The following EIF4G3 variants were observed in gnomAD, a reference collection of about 807,000 sequenced individuals.
EIF4G3 encodes eIF-4-gamma 3.
In EIF4G3, 34 loss-of-function variants were observed where a neutral mutation model predicts 186.4. The ratio of observed to expected loss-of-function variants is 0.18; its 90% confidence interval spans 0.14 to 0.24. The LOEUF (loss-of-function observed/expected upper bound fraction) is 0.24, where lower values mean the gene tolerates loss of function less well. EIF4G3 is among the 10% of genes least tolerant of loss of function. EIF4G3 has a pLI of 1.00. For synonymous variants in EIF4G3, 673 were observed against 679.5 expected (o/e 0.99, Z 0.15); for missense variants, 1,536 against 1,948.5 (o/e 0.79, Z 3.99).
chr1:21,162,973 C>G (rs2097790781), intron 2 of EIF4G3, among the ~76,000 whole-genome samples: 1 of 152,056 alleles, frequency 6.6e-6, no homozygotes. Context: ...GCCTCTAGAA[C>G]AAAGGTAGGA....
At chr1:21,009,838 A>T (rs952324651) in intron 4 of EIF4G3, among the ~76,000 whole-genome samples, 3 of 151,974 alleles carry the variant, frequency 2.0e-5, no homozygotes, top group African/African-American at 7.2e-5. Context: ...TATTTTTAGT[A>T]GAGACGGGGT....
At chr1:21,101,453 C>T (rs1220902121) in intron 2 of EIF4G3, among the ~76,000 whole-genome samples, 1 of 148,164 alleles carries the variant, frequency 6.7e-6, no homozygotes, top group African/African-American at 2.5e-5. Context: ...TCAGTAATTC[C>T]AAGCTACTCA....
rs1327751445 is a variant in EIF4G3 at position 21,034,768 on chromosome 1, C to T, written c.-67+16098G>A. Among the ~76,000 whole-genome samples, 6 of 152,296 alleles carry T rather than the reference C, an allele frequency of 3.9e-5. No homozygotes were observed. In the East Asian group the frequency reaches 7.8e-4, roughly 20 times the overall value. Reference sequence around the variant, plus strand: ...TGGCCCTGGGATGGTACCAGGTTCCCGTACTTCGGCAGTAGGCTCAGATTG... The same window carrying T: ...TGGCCCTGGGATGGTACCAGGTTCCTGTACTTCGGCAGTAGGCTCAGATTG... On this transcript the variant is annotated intron_variant, in intron 4 of 36. Transcript: ENST00000602326.
intron 30 of EIF4G3, among the ~76,000 whole-genome samples, chr1:20,839,585 C>T (rs183294871): frequency 7.4e-4 from 112 of 152,268 alleles, no homozygotes; most frequent in African/African-American, 2.4e-3. Flanking sequence ...ACCTCTGCCT[C>T]CCGGGTTCAA....
chr1:21,156,460 AC>A (rs2097663174), intron 2 of EIF4G3, among the ~76,000 whole-genome samples: 1 of 152,144 alleles, frequency 6.6e-6, no homozygotes, highest in Non-Finnish European at 1.5e-5. Context: ...CTATTTCCAA[AC>A]ATCTTCAGTT....
intron 3 of EIF4G3, among the ~76,000 whole-genome samples, chr1:21,053,739 C>T (rs566762505): frequency 8.1e-5 from 12 of 148,934 alleles, no homozygotes; most frequent in African/African-American, 2.5e-4. Flanking sequence ...AGCCCCCGCC[C>T]GGCCAGCCGC....
chr1:21,111,396 A>C, intron 2 of EIF4G3: 2 of 471,646 alleles, frequency 4.2e-6, no homozygotes, highest in South Asian at 3.1e-5. Context: ...GGAAAGAATT[A>C]GCAAAATAAG....
intron 3 of EIF4G3, among the ~76,000 whole-genome samples, chr1:21,053,450 C>T (rs1433610928): frequency 4.6e-4 from 69 of 150,786 alleles, no homozygotes; most frequent in African/African-American, 1.5e-3. Context: ...CCAGCCGCCC[C>T]GTCCGGGAGG....
intron 2 of EIF4G3, among the ~76,000 whole-genome samples, chr1:21,164,255 C>CT (rs2097818363): frequency 6.6e-6 from 1 of 152,142 alleles, no homozygotes; most frequent in East Asian, 1.9e-4. Context: ...TGCTTATACT[C>CT]TATTTTTTAC....
intron 10 of EIF4G3, among the ~76,000 whole-genome samples, chr1:20,975,067 A>G (rs1333419537): frequency 6.6e-6 from 1 of 152,166 alleles, no homozygotes; most frequent in Non-Finnish European, 1.5e-5. Context: ...GTAGGTATCA[A>G]TCAGGTTTGC....
intron 28 of EIF4G3, among the ~76,000 whole-genome samples, chr1:20,851,028 T>C (rs2073120581): frequency 6.6e-6 from 1 of 152,160 alleles, no homozygotes; most frequent in African/African-American, 2.4e-5. Context: ...GAGGACCTCC[T>C]CACCATAACA....
At chr1:20,869,701 G>A (rs1265218350) in intron 20 of EIF4G3, among the ~76,000 whole-genome samples, 1 of 150,996 alleles carries the variant, frequency 6.6e-6, no homozygotes, top group East Asian at 2.0e-4. Flanking sequence ...CTTGAACCCG[G>A]GAGGCGAAGC....
chr1:20,979,595 C>T (rs2077539396), intron 10 of EIF4G3, among the ~76,000 whole-genome samples: 1 of 152,114 alleles, frequency 6.6e-6, no homozygotes, highest in Non-Finnish European at 1.5e-5. Context: ...GGCAAAAATC[C>T]AGTAAAAATC....
chr1:21,082,540 T>C (rs1430805268), intron 3 of EIF4G3, among the ~76,000 whole-genome samples: 1 of 151,914 alleles, frequency 6.6e-6, no homozygotes, highest in Non-Finnish European at 1.5e-5. Flanking sequence ...GAGCCAAGAA[T>C]GCATCACTGC....
In EIF4G3 at chr1:20,891,543, C is replaced by T. The variant is rs1295390967; in HGVS notation, c.2253+1974G>A. On this transcript the variant is annotated intron_variant, in intron 18 of 36. Coordinates refer to ENST00000602326, the MANE Select transcript of EIF4G3 (RefSeq NM_001391906.1). The stretch of plus-strand genomic sequence containing the variant: ...ATCCCAGCACTTTGGGAGGCCGAGG[C>T]GGGTGGATCACGAGGTCAGGAGATC... 2.0e-5 allele frequency among the ~76,000 whole-genome samples: 3 copies of T among 146,700 alleles called. 1 individual carries two copies. The highest frequency in any genetic ancestry group is 4.4e-4 in the South Asian group (2 of 4,574).
At chr1:21,111,375 G>A (rs2096722823) in intron 2 of EIF4G3, 1 of 471,480 alleles carries the variant, frequency 2.1e-6, no homozygotes, top group Admixed American at 2.3e-5. Context: ...TCAATACTCT[G>A]TGGGATTGCT....
intron 20 of EIF4G3, among the ~76,000 whole-genome samples, chr1:20,878,509 T>C (rs941849654): frequency 6.6e-6 from 1 of 152,218 alleles, no homozygotes; most frequent in Non-Finnish European, 1.5e-5. Context: ...GATGTGACTT[T>C]TCCAAACCCC....
chr1:21,049,411 G>A (rs10493006), intron 4 of EIF4G3, among the ~76,000 whole-genome samples: 43,835 of 152,048 alleles, frequency 0.29, 8,087 homozygotes, highest in Non-Finnish European at 0.41. Context: ...CACCTTAATA[G>A]TAAGTTGAGA....
chr1:20,981,271 AG>A, intron 8 of EIF4G3, 44 bp from the exon 9 acceptor site: 1 of 1,260,428 alleles, frequency 7.9e-7, no homozygotes, highest in South Asian at 1.6e-5. Flanking sequence ...TTTTTAACAC[AG>A]GGGAATATAT....
Sources: allele counts gnomAD v4.1 joint callset (sites outside exome capture counted in the v4.1 genomes callset), GRCh38; gene constraint gnomAD v4.1.1; transcripts MANE v1.5; gene names NCBI Gene and HGNC (gene_info 2026-07-23, HGNC 2026-07-21).